The following DCK variants were observed in gnomAD, a reference collection of about 807,000 sequenced individuals.
DCK encodes the protein deoxycytidine kinase.
A neutral mutation model predicts 38.3 loss-of-function variants in DCK; 23 were observed. That is an observed-to-expected ratio of 0.60 (90% CI 0.43 to 0.85). DCK has a LOEUF of 0.85. Ranked by LOEUF, DCK falls within the 40% of genes least tolerant of loss-of-function variation. The pLI is 0.00. For synonymous variants in DCK, 108 were observed against 100.6 expected (o/e 1.07, Z -0.44); for missense variants, 259 against 304.4 (o/e 0.85, Z 1.11).
intron 2 of DCK, among the ~76,000 whole-genome samples, chr4:71,019,346 A>T (rs1740349943): frequency 2.0e-5 from 3 of 152,168 alleles, no homozygotes; most frequent in Admixed American, 6.5e-5. Context: ...TTTATTGAGA[A>T]ATTAAAATAA....
intron 2 of DCK, among the ~76,000 whole-genome samples, chr4:71,013,898 C>A (rs1391638252): frequency 6.6e-6 from 1 of 152,184 alleles, no homozygotes; most frequent in Non-Finnish European, 1.5e-5. Flanking sequence ...GGATCAAATT[C>A]ACACATAACA....
chr4:71,005,417 T>A (rs1270866008), intron 2 of DCK, among the ~76,000 whole-genome samples: 1 of 152,082 alleles, frequency 6.6e-6, no homozygotes, highest in African/African-American at 2.4e-5. Context: ...TTTGGCCATC[T>A]TGCCTGGGAA....
In DCK at chr4:71,022,374, C is replaced by A; in HGVS notation, c.215C>A (p.Thr72Lys). 2 of 1,512,130 alleles carry A rather than the reference C, an allele frequency of 1.3e-6. No individual in the cohort carries two copies. The highest frequency in any genetic ancestry group is 1.8e-6 in the Non-Finnish European group (2 of 1,128,388). The allele number at this position is 1,512,130 out of a possible 1,614,324, so 93.7% of individuals were successfully genotyped here. A position where few individuals can be genotyped will look rare whatever the true frequency, so the allele number is the denominator to read the frequency against. Residue 72 changes from threonine to lysine, a missense_variant, in exon 3 of 7, where the codon ACA becomes AAA. Around this residue, in one of 3 missense-constraint regions of DCK, gnomAD observed 159 missense variants for 159.0 expected, o/e 1.00. Coordinates refer to ENST00000286648, the MANE Select transcript of DCK (RefSeq NM_000788.3). ...TTTGCACATTCAAAATAGGAACTTA[C>A]AATGTCTCAGAAAAATGGTGGGAAT... ...QSTQDEFEEL[T>K]MSQKNGGNVL... is the part of the protein sequence containing the mutation.
At chr4:71,010,166 C>CTTTT (rs367836620) in intron 2 of DCK, among the ~76,000 whole-genome samples, 15 of 135,338 alleles carry the variant, frequency 1.1e-4, no homozygotes, top group African/African-American at 4.1e-4. Flanking sequence ...GCTGTTTTAG[C>CTTTT]TTTTTTTTTT....
At chr4:71,007,528 G>GT (rs1739975973) in intron 2 of DCK, among the ~76,000 whole-genome samples, 1 of 152,072 alleles carries the variant, frequency 6.6e-6, no homozygotes, top group Non-Finnish European at 1.5e-5. Context: ...CCTAAAAATT[G>GT]TTTGAGCATA....
rs34109101 is a variant in DCK at position 71,021,066 on chromosome 4, C to CT, written c.208-1281dup. ...AATTCATGTGTTCCAGATGCTATTTCTTTTTTTTTTTTTTTTTTTTGAGAC... is the reference window on the plus strand; with the variant it reads ...AATTCATGTGTTCCAGATGCTATTTCTTTTTTTTTTTTTTTTTTTTTGAGAC... On this transcript the variant is annotated intron_variant, in intron 2 of 6. Transcript: ENST00000286648. Among the ~76,000 whole-genome samples, 52 of 85,954 alleles carry CT rather than the reference C, an allele frequency of 6.0e-4. 1 individual carries two copies. Among genetic ancestry groups the CT allele is most frequent in the African/African-American group, 1.8e-3 (46 of 24,866 alleles). 56.4% of individuals were successfully genotyped at this position (85,954 alleles called of 152,430 possible).
At chr4:71,017,225 A>G (rs1482606463) in intron 2 of DCK, among the ~76,000 whole-genome samples, 1 of 152,212 alleles carries the variant, frequency 6.6e-6, no homozygotes, top group Non-Finnish European at 1.5e-5. Flanking sequence ...CAAAACCACA[A>G]TGAGATACCC....
intron 2 of DCK, among the ~76,000 whole-genome samples, chr4:71,016,065 GAT>G (rs1417200711): frequency 1.3e-5 from 2 of 152,204 alleles, no homozygotes; most frequent in African/African-American, 4.8e-5. Context: ...TCCTTAAGCT[GAT>G]AAGCAACTTC....
intron 6 of DCK, chr4:71,028,535 C>A: frequency 2.7e-6 from 1 of 373,282 alleles, no homozygotes; most frequent in Non-Finnish European, 5.3e-6. Flanking sequence ...GGTGACAGAG[C>A]AATAAATAAC....
Position 70,997,382 on chromosome 4 carries a change from C to T in DCK, c.92-685C>T, listed in dbSNP as rs67949703. On this transcript the variant is annotated intron_variant, in intron 1 of 6. Transcript: ENST00000286648. Reference sequence around the variant, plus strand: ...GTGTTTTTACCATGATTAAATCTCACTGTTATCCAGTTTATCGTTAAAAGT... The same window carrying T: ...GTGTTTTTACCATGATTAAATCTCATTGTTATCCAGTTTATCGTTAAAAGT... Among the ~76,000 whole-genome samples the T allele has an allele frequency of 9.4e-3, 1,438 of 152,288 alleles. 33 individuals are homozygous for T. The highest frequency in any genetic ancestry group is 0.033 in the African/African-American group (1,381 of 41,552).
intron 2 of DCK, among the ~76,000 whole-genome samples, chr4:71,002,711 T>G (rs1739838489): frequency 6.6e-6 from 1 of 152,208 alleles, no homozygotes; most frequent in Non-Finnish European, 1.5e-5. Context: ...TACCATTATG[T>G]AATGCCCTTT....
intron 2 of DCK, among the ~76,000 whole-genome samples, chr4:71,011,150 C>T (rs900808522): frequency 6.6e-6 from 1 of 150,808 alleles, no homozygotes; most frequent in African/African-American, 2.4e-5. Context: ...ACCATGTTGG[C>T]CAGGCTGGTC....
Position 71,030,344 on chromosome 4 carries a change from G to T in DCK, c.*966G>T, listed in dbSNP as rs915338822. ...TTAAGGTGTGCAGTGTTTTTCCTGTGTATTAAACCTTTCCATTTTACGTTT... is the reference window on the plus strand; with the variant it reads ...TTAAGGTGTGCAGTGTTTTTCCTGTTTATTAAACCTTTCCATTTTACGTTT... On this transcript the variant is annotated 3_prime_UTR_variant, in exon 7 of 7. Transcript: ENST00000286648. 3.9e-5 allele frequency: 6 copies of T among 151,980 alleles called. No homozygotes were observed. The highest frequency in any genetic ancestry group is 1.4e-4 in the African/African-American group (6 of 41,400). 9.4% of individuals were successfully genotyped at this position (151,980 alleles called of 1,614,324 possible).
At chr4:70,999,247 ACTTACAAG>A in intron 2 of DCK, among the ~76,000 whole-genome samples, 1 of 151,812 alleles carries the variant, frequency 6.6e-6, no homozygotes, top group African/African-American at 2.4e-5. Context: ...TTCAACTCCC[ACTTACAAG>A]TTAGAACATG....
At chr4:71,010,183 T>TTA (rs1460035883) in intron 2 of DCK, among the ~76,000 whole-genome samples, 2 of 151,238 alleles carry the variant, frequency 1.3e-5, no homozygotes, top group Non-Finnish European at 2.9e-5. Context: ...TTTTTTTTTT[T>TTA]AACCTGCCAC....
intron 1 of DCK, 82 bp from the exon 2 acceptor site, chr4:70,997,985 A>T (rs112010388): frequency 3.3e-4 from 191 of 573,794 alleles, no homozygotes; most frequent in African/African-American, 3.2e-3. Flanking sequence ...TGCTATTGTA[A>T]ATCTTGCAAA....
rs564939959 is a variant in DCK at position 71,013,402 on chromosome 4, C to G, written c.208-8965C>G. Among the ~76,000 whole-genome samples, 10 of 152,274 alleles carry G rather than the reference C, an allele frequency of 6.6e-5. No homozygotes were observed. The South Asian group carries it at 1.2e-3, about 19-fold the overall frequency. ...GGCCAACATTCAAATTCAGGAAATA[C>G]AGAGAACACCACAAAGATACTCCTC... is the stretch of plus-strand genomic sequence containing the variant. On this transcript the variant is annotated intron_variant, in intron 2 of 6. Coordinates refer to ENST00000286648, the MANE Select transcript of DCK (RefSeq NM_000788.3).
intron 2 of DCK, among the ~76,000 whole-genome samples, chr4:71,020,404 G>A (rs1033559772): frequency 1.3e-5 from 2 of 152,140 alleles, no homozygotes; most frequent in African/African-American, 2.4e-5. Flanking sequence ...TGATTCATCC[G>A]TTGTAAAATT....
In DCK at chr4:71,029,705, T is replaced by G; in HGVS notation, c.*327T>G. ...CCTTCTGTCATTCCCCTCTTTTGTC[T>G]TCCTCAGCAGGTTGGCTTTTTTCCC... On this transcript the variant is annotated 3_prime_UTR_variant, in exon 7 of 7. Coordinates refer to ENST00000286648, the MANE Select transcript of DCK (RefSeq NM_000788.3). 4.3e-6 allele frequency: 1 copy of G among 230,258 alleles called. No homozygotes were observed. The highest frequency in any genetic ancestry group is 7.5e-5 in the South Asian group (1 of 13,268). The allele number at this position is 230,258 out of a possible 1,614,324, so 14.3% of individuals were successfully genotyped here.
Sources: gnomAD v4.1 joint callset for allele counts (sites outside exome capture counted in the v4.1 genomes callset) on GRCh38, gnomAD v4.1.1 for gene constraint, gnomAD v4.1.1 regional missense constraint, MANE v1.5 for transcripts, NCBI Gene and HGNC (gene_info 2026-07-23, HGNC 2026-07-21) for gene names.